STRN3: variants seen among roughly 807,000 people sequenced by gnomAD.
STRN3 encodes striatin 3.
Under a neutral mutation model 95.6 loss-of-function variants are expected in STRN3, and 29 were observed. That is an observed-to-expected ratio of 0.30 (90% CI 0.23 to 0.41). The LOEUF (loss-of-function observed/expected upper bound fraction) is 0.41, where lower values mean the gene tolerates loss of function less well. STRN3 is among the 10% of genes least tolerant of loss of function. The pLI, the probability that STRN3 is intolerant of heterozygous loss-of-function variation, is 1.00. For missense variants in STRN3, 890 were observed against 972.1 expected (o/e 0.92, Z 1.12); for synonymous variants, 331 against 357.6 (o/e 0.93, Z 0.84).
chr14:30,956,957 A>C (rs1431248645), intron 1 of STRN3, among the ~76,000 whole-genome samples: 1 of 150,968 alleles, frequency 6.6e-6, no homozygotes, highest in Non-Finnish European at 1.5e-5. Flanking sequence ...TCAGGAGTTC[A>C]AGACCGGCCT....
intron 5 of STRN3, among the ~76,000 whole-genome samples, chr14:30,942,210 T>C (rs1056925822): frequency 6.6e-6 from 1 of 152,192 alleles, no homozygotes; most frequent in African/African-American, 2.4e-5. Flanking sequence ...CTGTATGTCA[T>C]TGTTTTTTTT....
At chr14:30,987,255 C>A (rs1594544519) in intron 1 of STRN3, among the ~76,000 whole-genome samples, 1 of 152,270 alleles carries the variant, frequency 6.6e-6, no homozygotes, top group East Asian at 1.9e-4. Context: ...CGCCTGTAAT[C>A]CCAGCACTTT....
intron 7 of STRN3, among the ~76,000 whole-genome samples, chr14:30,933,338 T>C (rs1878650923): frequency 7.9e-6 from 1 of 126,916 alleles, no homozygotes; most frequent in Admixed American, 8.4e-5. Flanking sequence ...AAGTGAAAAG[T>C]GTGCATTACA....
chr14:30,918,440 C>T (rs935207357), intron 9 of STRN3, among the ~76,000 whole-genome samples: 9 of 151,174 alleles, frequency 6.0e-5, no homozygotes, highest in Non-Finnish European at 1.2e-4. Context: ...CCCCAGGAGG[C>T]GGAGGTTGCA....
In STRN3 at chr14:30,895,695, C is replaced by G. The variant is rs769475839; in HGVS notation, c.2191G>C (p.Val731Leu). Reference sequence around the variant, plus strand: ...ATCAAATAGATTCCATTAGGATCTACTGCTAGACTTGTAACAGCATCCAAG... The same window carrying G: ...ATCAAATAGATTCCATTAGGATCTAGTGCTAGACTTGTAACAGCATCCAAG... Reference protein sequence around the residue: ...AHLDAVTSLAVDPNGIYLMSG... With the variant: ...AHLDAVTSLALDPNGIYLMSG... The change falls in exon 17 of 18, where the codon GTA becomes CTA. Residue 731 changes from valine to leucine, a missense_variant. Val to Leu is a conservative substitution (Grantham distance 32). Transcript: ENST00000357479. The G allele has an allele frequency of 6.2e-7, 1 of 1,614,050 alleles. No homozygotes were observed. Among genetic ancestry groups the G allele is most frequent in the South Asian group, 1.1e-5 (1 of 91,024 alleles).
chr14:30,924,307 T>TTTTTTTTTG (rs1896962952), intron 8 of STRN3, among the ~76,000 whole-genome samples: 1 of 130,504 alleles, frequency 7.7e-6, no homozygotes, highest in African/African-American at 2.8e-5. Flanking sequence ...TTTTTTTTTT[T>TTTTTTTTTG]GAGATGGTCT....
At chr14:31,006,657 T>C (rs1369416506) in intron 1 of STRN3, among the ~76,000 whole-genome samples, 1 of 151,998 alleles carries the variant, frequency 6.6e-6, no homozygotes, top group Non-Finnish European at 1.5e-5. Context: ...ATCGCGCCAC[T>C]GCACTCCAGC....
chr14:31,019,320 T>C (rs1189124643), intron 1 of STRN3, among the ~76,000 whole-genome samples: 1 of 151,962 alleles, frequency 6.6e-6, no homozygotes, highest in African/African-American at 2.4e-5. Flanking sequence ...TAAAAATAAA[T>C]AAAATAATAG....
chr14:30,918,303 T>TC (rs1166381142), intron 9 of STRN3, among the ~76,000 whole-genome samples: 1 of 152,044 alleles, frequency 6.6e-6, no homozygotes, highest in Non-Finnish European at 1.5e-5. Context: ...GGTCAGGAGT[T>TC]CGAGACCAGC....
At chr14:30,961,119 A>T (rs537810872) in intron 1 of STRN3, among the ~76,000 whole-genome samples, 30 of 152,176 alleles carry the variant, frequency 2.0e-4, no homozygotes, top group Non-Finnish European at 3.7e-4. Flanking sequence ...TTTATTCAAG[A>T]TAAAAGAGGA....
chr14:31,025,696 AGTGAAGGTTGGGGAGCAAGCTTAT>A, intron 1 of STRN3, 184 bp downstream of exon 1: 1 of 728,012 alleles, frequency 1.4e-6, no homozygotes, highest in Non-Finnish European at 2.1e-6. Flanking sequence ...CCGCGTAGCC[AGTGAAGGTTGGGGAGCAAGCTTAT>A]GCGGGAAAGA....
chr14:30,914,792 A>C (rs1896695235), intron 9 of STRN3, among the ~76,000 whole-genome samples: 1 of 152,258 alleles, frequency 6.6e-6, no homozygotes. Flanking sequence ...ATTTCAAACT[A>C]AACTCAGGTT....
At chr14:30,957,001 T>C (rs558832571) in intron 1 of STRN3, among the ~76,000 whole-genome samples, 1 of 148,900 alleles carries the variant, frequency 6.7e-6, no homozygotes, top group South Asian at 2.1e-4. Context: ...TCTACAAAAA[T>C]ACAAAAATTA....
intron 1 of STRN3, among the ~76,000 whole-genome samples, chr14:31,022,382 C>CAAA (rs34715212): frequency 8.0e-4 from 104 of 130,402 alleles, no homozygotes; most frequent in African/African-American, 2.9e-3. Context: ...GACTCCATCT[C>CAAA]AAAAAAAAAA....
At chr14:30,975,851 A>AAG (rs1244619988) in intron 1 of STRN3, among the ~76,000 whole-genome samples, 1 of 151,186 alleles carries the variant, frequency 6.6e-6, no homozygotes, top group African/African-American at 2.4e-5. Flanking sequence ...AAAAAAAAAA[A>AAG]AAAAAAAAGT....
At chr14:30,977,040 C>T (rs568132727) in intron 1 of STRN3, among the ~76,000 whole-genome samples, 67 of 151,928 alleles carry the variant, frequency 4.4e-4, no homozygotes, top group African/African-American at 1.5e-3. Flanking sequence ...GCCTGGCCAA[C>T]ATGGTGAAAC....
At chr14:31,007,401 T>C (rs901839806) in intron 1 of STRN3, among the ~76,000 whole-genome samples, 4 of 152,110 alleles carry the variant, frequency 2.6e-5, no homozygotes, top group Non-Finnish European at 4.4e-5. Context: ...CTTTTGGAAA[T>C]ATAGCAATAC....
At chr14:30,929,969 A>AAAAC (rs1878439447) in intron 7 of STRN3, among the ~76,000 whole-genome samples, 1 of 149,230 alleles carries the variant, frequency 6.7e-6, no homozygotes, top group African/African-American at 2.5e-5. Flanking sequence ...AAAAAAAAAA[A>AAAAC]AAAAAAAAAA....
intron 8 of STRN3, among the ~76,000 whole-genome samples, chr14:30,920,470 T>C (rs1896851816): frequency 6.6e-6 from 1 of 152,186 alleles, no homozygotes; most frequent in South Asian, 2.1e-4. Context: ...TCTCACAAAA[T>C]AGCTCCCTTT....
Sources: allele counts gnomAD v4.1 joint callset (sites outside exome capture counted in the v4.1 genomes callset), GRCh38; gene constraint gnomAD v4.1.1; transcripts MANE v1.5; gene names NCBI Gene and HGNC (gene_info 2026-07-23, HGNC 2026-07-21).